The following PPP1R9A variants were observed in gnomAD, a reference collection of about 807,000 sequenced individuals.
The protein encoded by PPP1R9A is protein phosphatase 1 regulatory subunit 9A, also known as neurabin-1.
Under a neutral mutation model 141.9 loss-of-function variants are expected in PPP1R9A, and 59 were observed. That is an observed-to-expected ratio of 0.42 (90% CI 0.34 to 0.52). The LOEUF (loss-of-function observed/expected upper bound fraction) is 0.52, where lower values mean the gene tolerates loss of function less well. Ranked by LOEUF, PPP1R9A falls within the 20% of genes least tolerant of loss-of-function variation. PPP1R9A has a pLI of 0.10. For synonymous variants in PPP1R9A, 500 were observed against 569.7 expected (o/e 0.88, Z 1.74); for missense variants, 1,444 against 1,611.9 (o/e 0.90, Z 1.78).
At chr7:95,069,340 AATTAT>A (rs1467719954) in intron 2 of PPP1R9A, among the ~76,000 whole-genome samples, 1 of 152,052 alleles carries the variant, frequency 6.6e-6, no homozygotes, top group Admixed American at 6.6e-5. Context: ...AAACTTCTAT[AATTAT>A]ATTCTTTTGG....
chr7:95,209,766 G>A (rs1174343612), intron 7 of PPP1R9A, among the ~76,000 whole-genome samples: 2 of 151,948 alleles, frequency 1.3e-5, no homozygotes, highest in African/African-American at 2.4e-5. Flanking sequence ...GCAATTACAC[G>A]AATCAATTTT....
At chr7:95,226,151 C>A (rs750062326) in intron 8 of PPP1R9A, 35 bp downstream of exon 8, 64 of 1,571,638 alleles carry the variant, frequency 4.1e-5, no homozygotes, top group Non-Finnish European at 5.0e-5. Flanking sequence ...TTCTTTATGC[C>A]TGTCCATTTC....
chr7:94,999,345 A>G (rs930719750), intron 2 of PPP1R9A, among the ~76,000 whole-genome samples: 2 of 152,198 alleles, frequency 1.3e-5, no homozygotes, highest in African/African-American at 4.8e-5. Flanking sequence ...CTGCTTCATC[A>G]GTATGGCCTA....
At chr7:95,204,366 G>C (rs1393626279) in intron 7 of PPP1R9A, among the ~76,000 whole-genome samples, 1 of 152,120 alleles carries the variant, frequency 6.6e-6, no homozygotes, top group Non-Finnish European at 1.5e-5. Context: ...ATGGCAATTA[G>C]AGGAAACTGA....
chr7:95,031,834 A>G (rs1807730624), intron 2 of PPP1R9A, among the ~76,000 whole-genome samples: 1 of 152,084 alleles, frequency 6.6e-6, no homozygotes, highest in Non-Finnish European at 1.5e-5. Flanking sequence ...ACTAATTCAT[A>G]TGTAATTATG....
At chr7:94,985,733 G>T (rs1309139079) in intron 2 of PPP1R9A, among the ~76,000 whole-genome samples, 3 of 152,072 alleles carry the variant, frequency 2.0e-5, no homozygotes, top group Non-Finnish European at 4.4e-5. Context: ...CTCTGCACGT[G>T]AGATAGGTCT....
intron 14 of PPP1R9A, 55 bp from the exon 15 acceptor site, chr7:95,273,844 T>C: frequency 7.1e-7 from 1 of 1,407,388 alleles, no homozygotes. Flanking sequence ...GACTTTTGAA[T>C]TGTGACTTTA....
intron 2 of PPP1R9A, among the ~76,000 whole-genome samples, chr7:94,996,770 A>G (rs1040643383): frequency 7.2e-6 from 1 of 139,006 alleles, no homozygotes; most frequent in Non-Finnish European, 1.6e-5. Context: ...ATTTACTGTA[A>G]TTTTCATTTT....
At position 95,091,337 on chromosome 7, in the gene PPP1R9A, C is replaced by CTTTT. The variant is rs555627706; in HGVS notation, c.1396-19901_1396-19898dup. ...TCTGTCTCTTTGCCTTGTTTTAACTCTTTTTTTTTTTTTTTTTTTTTTTTG... is the reference window on the plus strand; with the variant it reads ...TCTGTCTCTTTGCCTTGTTTTAACTCTTTTTTTTTTTTTTTTTTTTTTTTTTTTG... On this transcript the variant is annotated intron_variant, in intron 2 of 19. Transcript: ENST00000433360. Among the ~76,000 whole-genome samples, 448 of 75,990 alleles carry CTTTT rather than the reference C, an allele frequency of 5.9e-3. 4 individuals are homozygous for CTTTT. Among genetic ancestry groups the CTTTT allele is most frequent in the Middle Eastern group, 0.017 (1 of 58 alleles). 49.9% of individuals were successfully genotyped at this position (75,990 alleles called of 152,430 possible).
chr7:94,965,175 T>A (rs1798068582), intron 2 of PPP1R9A, among the ~76,000 whole-genome samples: 1 of 152,220 alleles, frequency 6.6e-6, no homozygotes, highest in Non-Finnish European at 1.5e-5. Context: ...TTTGTTTTTT[T>A]TTCTTGTAAA....
intron 3 of PPP1R9A, among the ~76,000 whole-genome samples, chr7:95,114,657 G>T (rs988958342): frequency 1.3e-5 from 2 of 151,898 alleles, no homozygotes; most frequent in African/African-American, 2.4e-5. Flanking sequence ...TTCAGAACTG[G>T]ACAGATTTAT....
chr7:95,102,526 C>T (rs138923294), intron 2 of PPP1R9A, among the ~76,000 whole-genome samples: 49 of 152,308 alleles, frequency 3.2e-4, no homozygotes, highest in African/African-American at 8.9e-4. Context: ...GTGAGTTGGC[C>T]AAGCCCACAG....
chr7:94,922,597 G>C (rs1485946203), intron 2 of PPP1R9A, among the ~76,000 whole-genome samples: 3 of 152,102 alleles, frequency 2.0e-5, no homozygotes, highest in Non-Finnish European at 2.9e-5. Context: ...TGTTTTCTAA[G>C]ATTACTTAAA....
At chr7:95,077,307 T>A (rs1469973522) in intron 2 of PPP1R9A, among the ~76,000 whole-genome samples, 1 of 152,172 alleles carries the variant, frequency 6.6e-6, no homozygotes, top group African/African-American at 2.4e-5. Context: ...AACAGTTAAT[T>A]TATATAATCT....
chr7:95,259,800 G>A (rs561635391), intron 12 of PPP1R9A, among the ~76,000 whole-genome samples: 1 of 152,262 alleles, frequency 6.6e-6, no homozygotes, highest in African/African-American at 2.4e-5. Flanking sequence ...TCTCATACAA[G>A]AGCATTAGAT....
rs188454521 is a variant in PPP1R9A, at chr7:95,023,307, T to G, written c.1396-87952T>G. ...TTCTCTGATGGTAGTTTGTATTTCT[T>G]TGGGATCAGTGGTGATATCCCCTTT... On this transcript the variant is annotated intron_variant, in intron 2 of 19. Coordinates refer to ENST00000433360, the MANE Select transcript of PPP1R9A (RefSeq NM_001166160.2). Among the ~76,000 whole-genome samples, 35 of 152,210 alleles carry G rather than the reference T, an allele frequency of 2.3e-4. No homozygotes were observed. The East Asian group carries it at 6.8e-3, about 29-fold the overall frequency.
intron 4 of PPP1R9A, among the ~76,000 whole-genome samples, chr7:95,147,385 G>C (rs1354318280): frequency 6.6e-6 from 1 of 152,144 alleles, no homozygotes; most frequent in East Asian, 1.9e-4. Context: ...CCAGCTTAAG[G>C]AGTTTTTGGA....
In PPP1R9A at chr7:95,294,030, A is replaced by G. The variant is rs1184240594; in HGVS notation, c.*3727A>G. ...GAGATATTTCCATTTGAGTAACTAA[A>G]GGTACTCCTGACAGAGCTGGAGATG... On this transcript the variant is annotated 3_prime_UTR_variant, in exon 20 of 20. Coordinates refer to ENST00000433360, the MANE Select transcript of PPP1R9A (RefSeq NM_001166160.2). 3.3e-5 allele frequency: 5 copies of G among 152,176 alleles called. No homozygotes were observed. The East Asian group carries it at 9.7e-4, about 29-fold the overall frequency. 9.4% of individuals were successfully genotyped at this position (152,176 alleles called of 1,614,324 possible). A position where few individuals can be genotyped will look rare whatever the true frequency, so the allele number is the denominator to read the frequency against.
intron 2 of PPP1R9A, among the ~76,000 whole-genome samples, chr7:94,991,871 T>C (rs1801558748): frequency 6.6e-6 from 1 of 152,170 alleles, no homozygotes. Flanking sequence ...CTGCTGTTCT[T>C]GAACTCCTGA....
Sources: allele counts gnomAD v4.1 joint callset (sites outside exome capture counted in the v4.1 genomes callset), GRCh38; gene constraint gnomAD v4.1.1; transcripts MANE v1.5; gene names NCBI Gene and HGNC (gene_info 2026-07-23, HGNC 2026-07-21).